The following KSR1 variants were observed in gnomAD, a reference collection of about 807,000 sequenced individuals.
KSR1 encodes the protein kinase suppressor of ras 1, also known as kinase suppressor of ras.
KSR1 carries 35 observed loss-of-function variants against 92.9 expected under a neutral mutation model. That is an observed-to-expected ratio of 0.38 (90% CI 0.29 to 0.50). The LOEUF (loss-of-function observed/expected upper bound fraction) is 0.50, where lower values mean the gene tolerates loss of function less well. KSR1 is among the 20% of genes least tolerant of loss of function. KSR1 has a pLI of 0.94. For missense variants in KSR1, 972 were observed against 1,158.5 expected, an observed-to-expected ratio of 0.84 and a Z score of 2.34; for synonymous variants, 467 against 472.6, an observed-to-expected ratio of 0.99 and a Z score of 0.15.
intron 1 of KSR1, among the ~76,000 whole-genome samples, chr17:27,542,313 A>G (rs959738428): frequency 2.6e-5 from 4 of 152,244 alleles, no homozygotes; most frequent in Non-Finnish European, 4.4e-5. Context: ...ACTGGTGTCC[A>G]TGTTAGCCTG....
Position 27,604,668 on chromosome 17 carries a change from G to C in KSR1, c.1566-12G>C, listed in dbSNP as rs372375985. 562 of 1,613,942 alleles carry C rather than the reference G, an allele frequency of 3.5e-4. 1 individual carries two copies. In the African/African-American group the frequency reaches 5.2e-3, roughly 15 times the overall value. ...CCTCAAGGTCTCCTTGACAAACCTT[G>C]TTTACTCTTAGGCTCGATGACCAGC... On this transcript the variant is annotated splice_polypyrimidine_tract_variant and intron_variant, in intron 12 of 20. Coordinates refer to ENST00000644974, the MANE Select transcript of KSR1 (RefSeq NM_001394583.1).
intron 2 of KSR1, among the ~76,000 whole-genome samples, chr17:27,567,950 C>T (rs1220951815): frequency 6.6e-6 from 1 of 152,226 alleles, no homozygotes; most frequent in Non-Finnish European, 1.5e-5. Flanking sequence ...GGGGTTTCTT[C>T]CCATCCCCTT....
chr17:27,617,956 AC>A (rs2074111055), intron 19 of KSR1, among the ~76,000 whole-genome samples: 1 of 152,088 alleles, frequency 6.6e-6, no homozygotes, highest in Non-Finnish European at 1.5e-5. Flanking sequence ...ACAGGTGAGC[AC>A]CTCCAGTTTG....
intron 18 of KSR1, among the ~76,000 whole-genome samples, chr17:27,616,516 C>T (rs922703494): frequency 6.6e-6 from 1 of 152,084 alleles, no homozygotes; most frequent in Non-Finnish European, 1.5e-5. Context: ...ACATGTACAC[C>T]CCATATCCTC....
At chr17:27,595,186 C>A (rs956543513) in intron 9 of KSR1, among the ~76,000 whole-genome samples, 2 of 152,242 alleles carry the variant, frequency 1.3e-5, no homozygotes, top group African/African-American at 4.8e-5. Flanking sequence ...TAATTCCTCT[C>A]CCACCCCCAG....
intron 1 of KSR1, among the ~76,000 whole-genome samples, chr17:27,539,043 C>T (rs777557726): frequency 6.6e-6 from 1 of 152,210 alleles, no homozygotes; most frequent in Non-Finnish European, 1.5e-5. Flanking sequence ...CCCTAGGGAA[C>T]AGGCCTTAAG....
chr17:27,504,810 C>T (rs72847754), intron 1 of KSR1, among the ~76,000 whole-genome samples: 13,540 of 152,208 alleles, frequency 0.089, 816 homozygotes, highest in Non-Finnish European at 0.13. Context: ...TCTCCTTCAG[C>T]GGCTTGGAGA....
intron 1 of KSR1, among the ~76,000 whole-genome samples, chr17:27,499,836 G>C (rs1429767373): frequency 6.6e-6 from 1 of 152,230 alleles, no homozygotes; most frequent in Admixed American, 6.5e-5. Flanking sequence ...CAAAGCAGAG[G>C]GGGTGTACGA....
chr17:27,497,458 C>G (rs1351727444), intron 1 of KSR1, among the ~76,000 whole-genome samples: 4 of 152,178 alleles, frequency 2.6e-5, no homozygotes, highest in African/African-American at 9.7e-5. Context: ...TCCTTACAGC[C>G]CCCTTTCAGT....
intron 1 of KSR1, chr17:27,526,656 T>C (rs779783522): frequency 1.9e-6 from 3 of 1,560,534 alleles, no homozygotes; most frequent in Admixed American, 1.7e-5. Flanking sequence ...TCCTGAGAGA[T>C]TTTGCTCATG....
At chr17:27,514,740 AG>A (rs2151008522) in intron 1 of KSR1, among the ~76,000 whole-genome samples, 1 of 152,226 alleles carries the variant, frequency 6.6e-6, no homozygotes, top group African/African-American at 2.4e-5. Flanking sequence ...AAAAGCCCAG[AG>A]GCTGACAGTC....
intron 14 of KSR1, among the ~76,000 whole-genome samples, chr17:27,607,477 C>G (rs1278612868): frequency 1.3e-5 from 2 of 151,866 alleles, no homozygotes; most frequent in South Asian, 2.1e-4. Context: ...TAATAAAAAC[C>G]CTGTGATCAA....
chr17:27,557,080 G>C (rs1349751690), intron 2 of KSR1, among the ~76,000 whole-genome samples: 1 of 152,142 alleles, frequency 6.6e-6, no homozygotes, highest in African/African-American at 2.4e-5. Context: ...TCAAGCTTCG[G>C]GAGGGACCTA....
At chr17:27,617,242 G>A (rs530817346) in intron 18 of KSR1, 53 bp from the exon 19 acceptor site, 2 of 1,559,034 alleles carry the variant, frequency 1.3e-6, no homozygotes, top group Non-Finnish European at 1.7e-6. Flanking sequence ...CCTACTGTGT[G>A]CCCCCTCCCT....
intron 18 of KSR1, among the ~76,000 whole-genome samples, chr17:27,612,171 C>G (rs548048669): frequency 6.6e-6 from 1 of 152,226 alleles, no homozygotes; most frequent in South Asian, 2.1e-4. Flanking sequence ...TAAGTTTTGT[C>G]AGGCTAAATA....
At chr17:27,582,583 G>C in intron 3 of KSR1, 63 bp from the exon 4 acceptor site, 1 of 1,458,092 alleles carries the variant, frequency 6.9e-7, no homozygotes, top group African/African-American at 1.4e-5. Flanking sequence ...CTGGCCCCTA[G>C]CCATCTCCCC....
chr17:27,522,548 G>A (rs1007561185), intron 1 of KSR1, among the ~76,000 whole-genome samples: 7 of 152,216 alleles, frequency 4.6e-5, no homozygotes, highest in African/African-American at 1.7e-4. Context: ...GAGATGAGAT[G>A]TTCTTTTCAG....
chr17:27,492,409 C>G (rs12936308), intron 1 of KSR1, among the ~76,000 whole-genome samples: 406 of 152,320 alleles, frequency 2.7e-3, no homozygotes, highest in Non-Finnish European at 4.5e-3. Context: ...CCCGTGAATT[C>G]CTTTCTAGGA....
chr17:27,592,014 G>C (rs2073183278), intron 7 of KSR1, among the ~76,000 whole-genome samples: 1 of 152,122 alleles, frequency 6.6e-6, no homozygotes, highest in South Asian at 2.1e-4. Flanking sequence ...TTTTTTGTAA[G>C]TTCAGATTTG....
Sources: allele counts gnomAD v4.1 joint callset (sites outside exome capture counted in the v4.1 genomes callset), GRCh38; gene constraint gnomAD v4.1.1; transcripts MANE v1.5; gene names NCBI Gene and HGNC (gene_info 2026-07-23, HGNC 2026-07-21).